TRIM69: variants seen among roughly 807,000 people sequenced by gnomAD.
The protein encoded by TRIM69 is E3 ubiquitin-protein ligase TRIM69.
Under a neutral mutation model 37.7 loss-of-function variants are expected in TRIM69, and 29 were observed. The observed-to-expected ratio is 0.77, with a 90% CI of 0.57 to 1.05. TRIM69 has a LOEUF of 1.05. TRIM69 is among the 50% of genes least tolerant of loss of function. The pLI, the probability that TRIM69 is intolerant of heterozygous loss-of-function variation, is 0.00. For missense variants in TRIM69, 596 were observed against 579.9 expected (o/e 1.03, Z -0.28); for synonymous variants, 209 against 212.4 (o/e 0.98, Z 0.14).
chr15:44,758,887 C>T, intron 4 of TRIM69, 33 bp downstream of exon 4: 2 of 1,587,950 alleles, frequency 1.3e-6, no homozygotes, highest in Non-Finnish European at 1.7e-6. Context: ...TTATGGGTAC[C>T]TTCCTACCTA....
intron 1 of TRIM69, among the ~76,000 whole-genome samples, chr15:44,751,446 G>A (rs143116624): frequency 6.6e-6 from 1 of 152,108 alleles, no homozygotes; most frequent in African/African-American, 2.4e-5. Flanking sequence ...ATAATTTTTA[G>A]TAGAGATGAC....
chr15:44,739,925 T>C (rs908914200), intron 1 of TRIM69, among the ~76,000 whole-genome samples: 14 of 150,960 alleles, frequency 9.3e-5, no homozygotes, highest in African/African-American at 3.2e-4. Context: ...GCAGACTGCC[T>C]CCTCAAGTGG....
At chr15:44,755,432 A>C in intron 2 of TRIM69, 56 bp downstream of exon 2, 2 of 1,286,420 alleles carry the variant, frequency 1.6e-6, no homozygotes, top group Non-Finnish European at 2.2e-6. Flanking sequence ...AAAATATTTC[A>C]TAGGGCTTCT....
At chr15:44,751,276 C>T (rs1233918589) in intron 1 of TRIM69, among the ~76,000 whole-genome samples, 1 of 151,986 alleles carries the variant, frequency 6.6e-6, no homozygotes, top group Non-Finnish European at 1.5e-5. Flanking sequence ...CTACCACGCC[C>T]AGCTAATTTT....
At chr15:44,766,922 G>A (rs1045892871) in intron 6 of TRIM69, among the ~76,000 whole-genome samples, 4 of 151,338 alleles carry the variant, frequency 2.6e-5, no homozygotes, top group African/African-American at 9.7e-5. Flanking sequence ...AGCCAGGTGT[G>A]GTGGCACACA....
intron 1 of TRIM69, among the ~76,000 whole-genome samples, chr15:44,745,587 C>A (rs1335936463): frequency 6.6e-6 from 1 of 151,900 alleles, no homozygotes; most frequent in Admixed American, 6.6e-5. Context: ...ACTCACTAGA[C>A]AAAGATTTTA....
At position 44,755,347 on chromosome 15, in the gene TRIM69, C is replaced by CA; in HGVS notation, c.457dup (p.Ile153AsnfsTer3). On this transcript the variant is annotated frameshift_variant, in exon 2 of 7. Coordinates refer to ENST00000329464, the MANE Select transcript of TRIM69 (RefSeq NM_182985.5). LOFTEE classifies it high-confidence loss of function. ...TGTGGGGCAGTCTAAGGAGTTCCTGCAAATCTCTGATGCTGTCCATTTCTT... is the reference window on the plus strand; with the variant it reads ...TGTGGGGCAGTCTAAGGAGTTCCTGCAAAATCTCTGATGCTGTCCATTTCTT... 6.2e-7 allele frequency: 1 copy of CA among 1,613,546 alleles called. No homozygotes were observed.
chr15:44,755,101 A>G lies in TRIM69; in HGVS notation c.208A>G (p.Arg70Gly), dbSNP rs1203950694. ...FCEACIQDFW[R>G]LQAKETFCPE... ...TGAAGCCTGTATCCAAGACTTTTGG[A>G]GGCTGCAAGCAAAGGAAACATTCTG... Residue 70 changes from arginine to glycine, a missense_variant, in exon 2 of 7, where the codon AGG becomes GGG. By Grantham distance (125) the Arg-to-Gly change is moderately radical (BLOSUM62 -2). Coordinates refer to ENST00000329464, the MANE Select transcript of TRIM69 (RefSeq NM_182985.5). 6.2e-7 allele frequency: 1 copy of G among 1,614,104 alleles called. No homozygotes were observed. The highest frequency in any genetic ancestry group is 2.2e-5 in the East Asian group (1 of 44,900).
chr15:44,758,330 T>A (rs1019639929), intron 3 of TRIM69: 3 of 469,492 alleles, frequency 6.4e-6, no homozygotes, highest in Non-Finnish European at 1.1e-5. Context: ...CTAGAATGTT[T>A]GACTAACTCC....
chr15:44,736,959 A>G (rs1328585982), intron 1 of TRIM69, among the ~76,000 whole-genome samples: 2 of 152,188 alleles, frequency 1.3e-5, no homozygotes, highest in South Asian at 2.1e-4. Flanking sequence ...ACTATATACT[A>G]TATACAATTT....
In TRIM69 at chr15:44,761,554, T is replaced by G. The variant is rs193161079; in HGVS notation, c.961+1682T>G. ...ATCTCAACTCACTGCAACCTCTGCC[T>G]CCGAAGCTCAAGTGATTCTTGCGCC... is the stretch of plus-strand genomic sequence containing the variant. On this transcript the variant is annotated intron_variant, in intron 6 of 6. Coordinates refer to ENST00000329464, the MANE Select transcript of TRIM69 (RefSeq NM_182985.5). 1.2e-3 allele frequency among the ~76,000 whole-genome samples: 180 copies of G among 152,280 alleles called. 1 individual carries two copies. The highest frequency in any genetic ancestry group is 1.5e-5 in the Non-Finnish European group (1 of 68,034).
At chr15:44,745,230 G>A (rs1453742773) in intron 1 of TRIM69, among the ~76,000 whole-genome samples, 1 of 146,438 alleles carries the variant, frequency 6.8e-6, no homozygotes, top group Non-Finnish European at 1.5e-5. Flanking sequence ...GGAGGTTTTT[G>A]TTGTTGTTGT....
chr15:44,749,641 T>C (rs1435629493), intron 1 of TRIM69, among the ~76,000 whole-genome samples: 2 of 152,258 alleles, frequency 1.3e-5, no homozygotes, highest in African/African-American at 4.8e-5. Flanking sequence ...AATGTGCATT[T>C]GGATTGCTTC....
Position 44,736,573 on chromosome 15 carries a change from T to C in TRIM69, c.-132T>C. 2.9e-6 allele frequency: 3 copies of C among 1,046,848 alleles called. No homozygotes were observed. The highest frequency in any genetic ancestry group is 4.1e-6 in the Non-Finnish European group (3 of 737,786). The allele number at this position is 1,046,848 out of a possible 1,614,324, so 64.8% of individuals were successfully genotyped here. On this transcript the variant is annotated 5_prime_UTR_variant, in exon 1 of 7. Coordinates refer to ENST00000329464, the MANE Select transcript of TRIM69 (RefSeq NM_182985.5). The stretch of plus-strand genomic sequence containing the variant: ...TGCTTCTCTCCAGCTCCTGAACTTT[T>C]CTTTCTTCCATCATGCTCTGAGCCC...
chr15:44,749,519 A>G (rs758483144), intron 1 of TRIM69, among the ~76,000 whole-genome samples: 10 of 152,168 alleles, frequency 6.6e-5, no homozygotes, highest in East Asian at 1.9e-4. Flanking sequence ...TTCACTTAGC[A>G]TAATGTTTTT....
At chr15:44,765,577 C>A (rs1382185642) in intron 6 of TRIM69, among the ~76,000 whole-genome samples, 1 of 152,016 alleles carries the variant, frequency 6.6e-6, no homozygotes, top group East Asian at 1.9e-4. Context: ...ATGGTGAAAT[C>A]CTGTCTCTAC....
intron 1 of TRIM69, among the ~76,000 whole-genome samples, chr15:44,742,120 T>A (rs1412835258): frequency 2.0e-5 from 3 of 151,226 alleles, no homozygotes; most frequent in Non-Finnish European, 4.4e-5. Context: ...TTATCCACCA[T>A]GATCAAGTGG....
chr15:44,736,794 AG>A, intron 1 of TRIM69, 84 bp downstream of exon 1: 3 of 1,524,260 alleles, frequency 2.0e-6, no homozygotes. Context: ...ATATGGATTT[AG>A]GAGCACAAAA....
intron 1 of TRIM69, among the ~76,000 whole-genome samples, chr15:44,750,106 T>G (rs969766801): frequency 2.0e-5 from 3 of 152,238 alleles, no homozygotes; most frequent in Admixed American, 2.0e-4. Context: ...TTGTAAGAGT[T>G]CTTTATTCTG....
Sources: gnomAD v4.1 joint callset for allele counts (sites outside exome capture counted in the v4.1 genomes callset) on GRCh38, gnomAD v4.1.1 for gene constraint, MANE v1.5 for transcripts, NCBI Gene and HGNC (gene_info 2026-07-23, HGNC 2026-07-21) for gene names.